SCN8A: variants seen among roughly 807,000 people sequenced by gnomAD.
SCN8A encodes sodium voltage-gated channel alpha subunit 8.
A neutral mutation model predicts 184.1 loss-of-function variants in SCN8A; 30 were observed. The ratio of observed to expected loss-of-function variants is 0.16; its 90% CI spans 0.12 to 0.22. SCN8A has a LOEUF of 0.22. Ranked by LOEUF, SCN8A falls within the 10% of genes least tolerant of loss-of-function variation. The pLI is 1.00. For synonymous variants in SCN8A, 852 were observed against 907.0 expected (o/e 0.94, Z 1.09); for missense variants, 1,057 against 2,498.9 (o/e 0.42, Z 12.30).
chr12:51,651,806 C>G (rs1267557592), intron 1 of SCN8A, among the ~76,000 whole-genome samples: 1 of 152,198 alleles, frequency 6.6e-6, no homozygotes, highest in African/African-American at 2.4e-5. Context: ...CTCCCAGATT[C>G]AACACTGAGA....
At chr12:51,648,658 T>C (rs1940644049) in intron 1 of SCN8A, among the ~76,000 whole-genome samples, 1 of 152,066 alleles carries the variant, frequency 6.6e-6, no homozygotes, top group Admixed American at 6.5e-5. Context: ...CTCGTGAGAC[T>C]TATTCTCTAC....
At chr12:51,723,763 G>A (rs894475371) in intron 12 of SCN8A, among the ~76,000 whole-genome samples, 2 of 152,018 alleles carry the variant, frequency 1.3e-5, no homozygotes, top group African/African-American at 2.4e-5. Flanking sequence ...CAGGAGAATC[G>A]CTTGAACCTG....
intron 22 of SCN8A, among the ~76,000 whole-genome samples, chr12:51,787,876 T>G (rs1938130636): frequency 6.6e-6 from 1 of 152,152 alleles, no homozygotes; most frequent in African/African-American, 2.4e-5. Flanking sequence ...GTTCAAAAAA[T>G]TGGACCCACA....
intron 1 of SCN8A, among the ~76,000 whole-genome samples, chr12:51,614,455 A>G (rs1939788619): frequency 6.6e-6 from 1 of 152,072 alleles, no homozygotes. Flanking sequence ...TTTTACTTAA[A>G]AGACATTTTT....
intron 12 of SCN8A, among the ~76,000 whole-genome samples, chr12:51,727,419 C>A (rs1942172567): frequency 1.3e-5 from 2 of 149,570 alleles, no homozygotes; most frequent in Admixed American, 6.7e-5. Context: ...AAAAAAAAAC[C>A]AAAAAACACT....
In SCN8A at chr12:51,765,654, G is replaced by GTTTTT. The variant is rs56879517; in HGVS notation, c.2545-11_2545-7dup. 5 of 1,172,554 alleles carry GTTTTT rather than the reference G, an allele frequency of 4.3e-6. No homozygotes were observed. The highest frequency in any genetic ancestry group is 2.8e-5 in the Admixed American group (1 of 35,194). The allele number at this position is 1,172,554 out of a possible 1,614,324, so 72.6% of individuals were successfully genotyped here. ...GAGTATCATTTATTTTTTTGTTTGG[G>GTTTTT]TTTTTTTTTTCCTTAGCTCCGAGTC... is the stretch of plus-strand genomic sequence containing the variant. On this transcript the variant is annotated splice_polypyrimidine_tract_variant and intron_variant, in intron 15 of 26. Coordinates refer to ENST00000627620, the MANE Select transcript of SCN8A (RefSeq NM_001330260.2).
chr12:51,804,091 T>A (rs1213583711), intron 26 of SCN8A, among the ~76,000 whole-genome samples: 1 of 152,206 alleles, frequency 6.6e-6, no homozygotes, highest in East Asian at 1.9e-4. Context: ...TGTCAGTGCC[T>A]TCCCTTCGGT....
chr12:51,706,307 C>G, intron 10 of SCN8A, 115 bp from the exon 11 acceptor site: 1 of 1,026,714 alleles, frequency 9.7e-7, no homozygotes, highest in Non-Finnish European at 1.4e-6. Flanking sequence ...GGTTTCCTGC[C>G]TCCTTTTTTC....
At chr12:51,800,473 G>A (rs1051215545) in intron 26 of SCN8A, among the ~76,000 whole-genome samples, 7 of 152,330 alleles carry the variant, frequency 4.6e-5, no homozygotes, top group Non-Finnish European at 7.3e-5. Flanking sequence ...CAGGGATGCA[G>A]TATTGTTTTT....
intron 16 of SCN8A, among the ~76,000 whole-genome samples, chr12:51,768,456 C>T (rs1477358202): frequency 1.3e-5 from 2 of 151,756 alleles, no homozygotes; most frequent in South Asian, 2.1e-4. Flanking sequence ...TTTTTTCTGA[C>T]GTGGGTCCTC....
intron 21 of SCN8A, among the ~76,000 whole-genome samples, chr12:51,783,222 A>G (rs1937980768): frequency 6.6e-6 from 1 of 152,160 alleles, no homozygotes; most frequent in South Asian, 2.1e-4. Flanking sequence ...AAAAGATTGG[A>G]TTTGGCTAAG....
intron 1 of SCN8A, among the ~76,000 whole-genome samples, chr12:51,627,108 C>G (rs952318959): frequency 3.9e-5 from 6 of 152,034 alleles, no homozygotes; most frequent in African/African-American, 1.4e-4. Flanking sequence ...GGAATATTAG[C>G]TTGTGAGGAG....
intron 11 of SCN8A, chr12:51,712,969 C>A (rs183623353): frequency 1.9e-6 from 3 of 1,588,470 alleles, no homozygotes; most frequent in Non-Finnish European, 2.6e-6. Flanking sequence ...ACGACCTGTC[C>A]GTGATCCAGC....
At position 51,807,007 on chromosome 12, in the gene SCN8A, C is replaced by T. The variant is rs779068291; in HGVS notation, c.5521C>T (p.Arg1841Cys). 1.2e-6 allele frequency: 2 copies of T among 1,613,854 alleles called. No individual in the cohort carries two copies. The highest frequency in any genetic ancestry group is 1.3e-5 in the African/African-American group (1 of 74,924). The stretch of plus-strand genomic sequence containing the variant: ...GGATCTGCCAATGGTGAGCGGGGAT[C>T]GCATCCACTGCTTGGACATCCTTTT... The part of the protein sequence containing the change: ...AMDLPMVSGD[R>C]IHCLDILFAF... Residue 1841 changes from arginine to cysteine, a missense_variant, in exon 27 of 27, where the codon CGC becomes TGC. By Grantham distance (180) the Arg-to-Cys change is radical. Transcript: ENST00000627620. This position sits in a 1 kb window ranked among gnomAD's most constrained non-coding sequence, Gnocchi z 4.5.
rs2138904231 is a variant in SCN8A, at chr12:51,786,652, A to G, written c.4053A>G (p.Gly1351=). The G allele has an allele frequency of 6.2e-7, 1 of 1,614,048 alleles. No individual in the cohort carries two copies. The highest frequency in any genetic ancestry group is 1.3e-5 in the African/African-American group (1 of 75,038). The stretch of plus-strand genomic sequence containing the variant: ...TCATGGGAGTTAACTTGTTTGCGGG[A>G]AAGTACCACTACTGCTTTAATGAGA... ...FSIMGVNLFA[G]KYHYCFNETS... is the part of the protein sequence containing the mutation. Residue 1351 remains glycine (G), a synonymous_variant, in exon 22 of 27, where the codon GGA becomes GGG. Transcript: ENST00000627620.
At chr12:51,608,465 A>G (rs1473446106) in intron 1 of SCN8A, among the ~76,000 whole-genome samples, 2 of 152,030 alleles carry the variant, frequency 1.3e-5, no homozygotes, top group African/African-American at 2.4e-5. Flanking sequence ...GATTTAAGCT[A>G]GGAGGGTTGT....
At chr12:51,786,469 C>T in intron 21 of SCN8A, 73 bp from the exon 22 acceptor site, 1 of 1,490,554 alleles carries the variant, frequency 6.7e-7, no homozygotes, top group Non-Finnish European at 9.3e-7. Flanking sequence ...AATGTCATTC[C>T]CCTCCTGGAA....
intron 1 of SCN8A, among the ~76,000 whole-genome samples, chr12:51,608,733 T>G (rs1723885208): frequency 6.6e-6 from 1 of 152,218 alleles, no homozygotes; most frequent in African/African-American, 2.4e-5. Flanking sequence ...TCAATTTCAT[T>G]TAGTTCTGCT....
At chr12:51,721,106 T>TATATATAA (rs1179556945) in intron 11 of SCN8A, among the ~76,000 whole-genome samples, 7 of 106,132 alleles carry the variant, frequency 6.6e-5, no homozygotes, top group African/African-American at 2.7e-4. Flanking sequence ...TATATATATA[T>TATATATAA]AATATTTATT....
Sources: allele counts gnomAD v4.1 joint callset (sites outside exome capture counted in the v4.1 genomes callset), GRCh38; gene constraint gnomAD v4.1.1; non-coding constraint Gnocchi (gnomAD v3.1); transcripts MANE v1.5; gene names NCBI Gene and HGNC (gene_info 2026-07-23, HGNC 2026-07-21).